AGAP1: variants seen among roughly 807,000 people sequenced by gnomAD.
AGAP1 encodes the protein ArfGAP with GTPase domain, ankyrin repeat and PH domain 1, also known as arf-GAP with GTPase, ANK repeat and PH domain-containing protein 1.
AGAP1 carries 29 observed loss-of-function variants against 105.3 expected under a neutral mutation model. The ratio of observed to expected loss-of-function variants is 0.28; its 90% CI spans 0.21 to 0.38. AGAP1 has a LOEUF of 0.38. Among genes scored for constraint, AGAP1 ranks in the 10% least tolerant of loss-of-function variants. The pLI is 1.00. For missense variants in AGAP1, 998 were observed against 1,165.1 expected (o/e 0.86, Z 2.09); for synonymous variants, 509 against 485.9 (o/e 1.05, Z -0.63).
rs989037739 is a variant in AGAP1 at position 236,042,087 on chromosome 2, A to G, written c.1891+1246A>G. ...GTTCTTCATTTGTAAGCAGAGAGAC[A>G]TCATTGGAGTTTTAGAGCAGGAAGG... On this transcript the variant is annotated intron_variant, in intron 15 of 17. Coordinates refer to ENST00000304032, the MANE Select transcript of AGAP1 (RefSeq NM_001037131.3). This position sits in a 1 kb window ranked among gnomAD's most constrained non-coding sequence, Gnocchi z 5.6. Among the ~76,000 whole-genome samples the G allele has an allele frequency of 6.6e-6, 1 of 152,212 alleles. No homozygotes were observed. The highest frequency in any genetic ancestry group is 2.4e-5 in the African/African-American group (1 of 41,462).
At chr2:235,699,999 A>G (rs1401696887) in intron 1 of AGAP1, among the ~76,000 whole-genome samples, 1 of 152,190 alleles carries the variant, frequency 6.6e-6, no homozygotes, top group East Asian at 1.9e-4. Flanking sequence ...GCATCTGTGA[A>G]CAAGCTTGTA....
intron 6 of AGAP1, among the ~76,000 whole-genome samples, chr2:235,778,752 G>A (rs1283919846): frequency 6.6e-6 from 1 of 152,304 alleles, no homozygotes; most frequent in Non-Finnish European, 1.5e-5. Context: ...TGGAGATGAC[G>A]GTGGCCTCTG....
chr2:235,767,068 G>A (rs1244412606), intron 6 of AGAP1, among the ~76,000 whole-genome samples: 1 of 151,818 alleles, frequency 6.6e-6, no homozygotes, highest in Non-Finnish European at 1.5e-5. Context: ...CCGCCACCAC[G>A]CCTGGCTAAT....
In AGAP1 at chr2:235,801,378, A is replaced by G. The variant is rs1415737904; in HGVS notation, c.957+1856A>G. On this transcript the variant is annotated intron_variant, in intron 8 of 17. Transcript: ENST00000304032. The surrounding 1 kb of genome is among the most constrained non-coding windows in gnomAD (Gnocchi z 6.0). Reference sequence around the variant, plus strand: ...TTTCTCACTCCATTGATGCTATAAAATGATTTCTGATCGTGTTAAGCATAT... The same window carrying G: ...TTTCTCACTCCATTGATGCTATAAAGTGATTTCTGATCGTGTTAAGCATAT... Among the ~76,000 whole-genome samples, 4 of 152,134 alleles carry G rather than the reference A, an allele frequency of 2.6e-5. No individual in the cohort carries two copies. Among genetic ancestry groups the G allele is most frequent in the African/African-American group, 9.7e-5 (4 of 41,426 alleles).
At chr2:235,899,211 G>A (rs1258882432) in intron 10 of AGAP1, among the ~76,000 whole-genome samples, 1 of 152,134 alleles carries the variant, frequency 6.6e-6, no homozygotes, top group East Asian at 1.9e-4. Context: ...ATGCTCTGCT[G>A]TCTTAAAACT....
Position 235,864,485 on chromosome 2 carries a change from G to A in AGAP1, c.1051-18860G>A, listed in dbSNP as rs1441965301. ...TCTGGGTGGGAGGAGGAGGTGGGCG[G>A]CCGGAAGGTGGTTGAGCGTTTCCGC... On this transcript the variant is annotated intron_variant, in intron 9 of 17. Transcript: ENST00000304032. The surrounding 1 kb of genome is among the most constrained non-coding windows in gnomAD (Gnocchi z 5.0). Among the ~76,000 whole-genome samples, 1 of 152,178 alleles carries A rather than the reference G, an allele frequency of 6.6e-6. No homozygotes were observed. Among genetic ancestry groups the A allele is most frequent in the Non-Finnish European group, 1.5e-5 (1 of 68,046 alleles).
chr2:235,686,203 T>C (rs1017765315), intron 1 of AGAP1, among the ~76,000 whole-genome samples: 1 of 152,120 alleles, frequency 6.6e-6, no homozygotes, highest in African/African-American at 2.4e-5. Flanking sequence ...AAGTGGTAGC[T>C]GACCATAGAC....
intron 17 of AGAP1, among the ~76,000 whole-genome samples, chr2:236,122,934 C>G (rs2059935428): frequency 6.6e-6 from 1 of 152,176 alleles, no homozygotes; most frequent in African/African-American, 2.4e-5. Context: ...CCGCCCTCCT[C>G]GGCCTCCCAA....
At position 235,670,171 on chromosome 2, in the gene AGAP1, C is replaced by T. The variant is rs932330798; in HGVS notation, c.164-39008C>T. The T allele has an allele frequency of 2.7e-5, 16 of 585,492 alleles. No individual in the cohort carries two copies. The African/African-American group carries it at 2.7e-4, about 10-fold the overall frequency. The allele number at this position is 585,492 out of a possible 1,614,324, so 36.3% of individuals were successfully genotyped here. A position where few individuals can be genotyped will look rare whatever the true frequency, so the allele number is the denominator to read the frequency against. On this transcript the variant is annotated intron_variant, in intron 1 of 17. Coordinates refer to ENST00000304032, the MANE Select transcript of AGAP1 (RefSeq NM_001037131.3). The stretch of plus-strand genomic sequence containing the variant: ...ACGCGATGCCGCGCGGGACGCCCCC[C>T]AGAAAGACTGTCTACCGCATCTCCG...
At chr2:236,052,689 T>C (rs1375676328) in intron 16 of AGAP1, among the ~76,000 whole-genome samples, 1 of 152,164 alleles carries the variant, frequency 6.6e-6, no homozygotes, top group Admixed American at 6.5e-5. Flanking sequence ...TCTTTTTGGA[T>C]GGATTCTGCA....
chr2:235,716,222 G>A lies in AGAP1; in HGVS notation c.223-1335G>A, dbSNP rs1259163708. Reference sequence around the variant, plus strand: ...AGTGGAGGATCAGCTGGAGATGTGAGGATGGAGCCCTGGCGAGTCCCAGTA... The same window carrying A: ...AGTGGAGGATCAGCTGGAGATGTGAAGATGGAGCCCTGGCGAGTCCCAGTA... On this transcript the variant is annotated intron_variant, in intron 2 of 17. Coordinates refer to ENST00000304032, the MANE Select transcript of AGAP1 (RefSeq NM_001037131.3). The surrounding 1 kb of genome is among the most constrained non-coding windows in gnomAD (Gnocchi z 4.0). 6.6e-6 allele frequency among the ~76,000 whole-genome samples: 1 copy of A among 152,178 alleles called. No homozygotes were observed. The highest frequency in any genetic ancestry group is 1.5e-5 in the Non-Finnish European group (1 of 68,032).
rs534760798 is a variant in AGAP1 at position 235,497,982 on chromosome 2, A to G, written c.163+3133A>G. 2.6e-5 allele frequency among the ~76,000 whole-genome samples: 4 copies of G among 152,312 alleles called. No homozygotes were observed. The South Asian group carries it at 8.3e-4, about 32-fold the overall frequency. On this transcript the variant is annotated intron_variant, in intron 1 of 17. Coordinates refer to ENST00000304032, the MANE Select transcript of AGAP1 (RefSeq NM_001037131.3). ...TCCCACATTTGGCTGCACCCTACTC[A>G]AAACTTCACTGTTTTCTGGCATCTT...
intron 9 of AGAP1, among the ~76,000 whole-genome samples, chr2:235,835,609 G>A (rs1025300256): frequency 6.6e-6 from 1 of 152,142 alleles, no homozygotes; most frequent in Non-Finnish European, 1.5e-5. Context: ...AAGCTTTTCC[G>A]AGGAGGACAA....
rs558986278 is a variant in AGAP1, at chr2:235,794,912, T to G, written c.674-2847T>G. Among the ~76,000 whole-genome samples, 5 of 152,304 alleles carry G rather than the reference T, an allele frequency of 3.3e-5. No individual in the cohort carries two copies. In the East Asian group the frequency reaches 9.6e-4, roughly 29 times the overall value. On this transcript the variant is annotated intron_variant, in intron 6 of 17. Coordinates refer to ENST00000304032, the MANE Select transcript of AGAP1 (RefSeq NM_001037131.3). ...TACGTATTTATATGAAACAACACAT[T>G]TATTTCTTGGATAATCAAATATAGA...
chr2:235,996,915 G>A (rs1416516334), intron 13 of AGAP1, among the ~76,000 whole-genome samples: 1 of 152,062 alleles, frequency 6.6e-6, no homozygotes, highest in Non-Finnish European at 1.5e-5. Flanking sequence ...TAATTTATCA[G>A]AAAAAATAAT....
In AGAP1 at chr2:236,015,579, G is replaced by T. The variant is rs186438681; in HGVS notation, c.1646-20982G>T. On this transcript the variant is annotated intron_variant, in intron 13 of 17. Transcript: ENST00000304032. ...TGCCTTTTTTTTTATGATTACAAAT[G>T]TCAAGGGTCGGAATTACTTTGATGC... Among the ~76,000 whole-genome samples the T allele has an allele frequency of 4.2e-3, 637 of 151,886 alleles. 2 individuals are homozygous for T. Among genetic ancestry groups the T allele is most frequent in the Non-Finnish European group, 6.3e-3 (427 of 67,976 alleles).
Position 235,737,282 on chromosome 2 carries a change from A to G in AGAP1, c.311-3681A>G, listed in dbSNP as rs909334504. Among the ~76,000 whole-genome samples, 5 of 152,256 alleles carry G rather than the reference A, an allele frequency of 3.3e-5. No homozygotes were observed. Among genetic ancestry groups the G allele is most frequent in the Non-Finnish European group, 7.3e-5 (5 of 68,044 alleles). On this transcript the variant is annotated intron_variant, in intron 3 of 17. Transcript: ENST00000304032. The surrounding 1 kb of genome is among the most constrained non-coding windows in gnomAD (Gnocchi z 4.5). ...TTCTGATTTAAGTGTAATACGAAAA[A>G]AAATCATGCAAATCAATTACCAGTA... is the stretch of plus-strand genomic sequence containing the variant.
Position 236,104,718 on chromosome 2 carries a change from G to A in AGAP1, c.2115-15474G>A, listed in dbSNP as rs147631023. On this transcript the variant is annotated intron_variant, in intron 16 of 17. Coordinates refer to ENST00000304032, the MANE Select transcript of AGAP1 (RefSeq NM_001037131.3). This position sits in a 1 kb window ranked among gnomAD's most constrained non-coding sequence, Gnocchi z 4.7. ...AGCCTGGCCAACATGGTGAAACCCCGTCTCTACCAAAAATACAAAAATTAG... is the reference window on the plus strand; with the variant it reads ...AGCCTGGCCAACATGGTGAAACCCCATCTCTACCAAAAATACAAAAATTAG... Among the ~76,000 whole-genome samples, 1,107 of 152,246 alleles carry A rather than the reference G, an allele frequency of 7.3e-3. 14 individuals are homozygous for A. The highest frequency in any genetic ancestry group is 0.025 in the African/African-American group (1,031 of 41,548).
intron 12 of AGAP1, among the ~76,000 whole-genome samples, chr2:235,932,030 GGGCTCTCTAA>G (rs1432191457): frequency 6.6e-6 from 1 of 152,222 alleles, no homozygotes; most frequent in Non-Finnish European, 1.5e-5. Context: ...GCTTCTTCAA[GGGCTCTCTAA>G]GGCTCTCTGC....
Sources: gnomAD v4.1 joint callset for allele counts (sites outside exome capture counted in the v4.1 genomes callset) on GRCh38, gnomAD v4.1.1 for gene constraint, Gnocchi (gnomAD v3.1) non-coding constraint, MANE v1.5 for transcripts, NCBI Gene and HGNC (gene_info 2026-07-23, HGNC 2026-07-21) for gene names.